ARB2A: variants seen among roughly 807,000 people sequenced by gnomAD.
ARB2A encodes cotranscriptional regulator ARB2A.
the ARB2A span, among the ~76,000 whole-genome samples, chr5:93,692,588 C>A: frequency 6.6e-6 from 1 of 152,120 alleles, no homozygotes; most frequent in African/African-American, 2.4e-5. Context: ...GAATCCCACA[C>A]AATAATACTG....
the ARB2A span, among the ~76,000 whole-genome samples, chr5:94,035,594 G>A: frequency 2.0e-3 from 303 of 152,052 alleles, no homozygotes; most frequent in South Asian, 5.2e-3. Context: ...TAAGGACCTG[G>A]AGCCAACCCA....
the ARB2A span, among the ~76,000 whole-genome samples, chr5:93,854,146 G>C: frequency 6.6e-6 from 1 of 152,140 alleles, no homozygotes. Flanking sequence ...CCTGTTATTG[G>C]TCTATTCAGA....
the ARB2A span, among the ~76,000 whole-genome samples, chr5:93,634,257 G>A: frequency 3.3e-5 from 5 of 151,850 alleles, no homozygotes; most frequent in African/African-American, 1.2e-4. Flanking sequence ...AAAATTAGCT[G>A]GGCGTGGTGG....
At chr5:93,765,159 A>G in the ARB2A span, among the ~76,000 whole-genome samples, 2 of 151,954 alleles carry the variant, frequency 1.3e-5, no homozygotes, top group Non-Finnish European at 2.9e-5. Context: ...CTCTCTCACC[A>G]CTCCTATTCA....
the ARB2A span, among the ~76,000 whole-genome samples, chr5:93,762,392 T>C: frequency 6.6e-6 from 1 of 152,204 alleles, no homozygotes; most frequent in Non-Finnish European, 1.5e-5. Flanking sequence ...GCATGAGAAC[T>C]ACGTGACGAA....
the ARB2A span, among the ~76,000 whole-genome samples, chr5:93,674,339 ATT>A: frequency 6.6e-6 from 1 of 152,162 alleles, no homozygotes; most frequent in African/African-American, 2.4e-5. Flanking sequence ...AGCTTAAGAC[ATT>A]TATCTGACAG....
At chr5:93,679,612 T>C in the ARB2A span, among the ~76,000 whole-genome samples, 1 of 152,252 alleles carries the variant, frequency 6.6e-6, no homozygotes, top group East Asian at 1.9e-4. Flanking sequence ...AAGTTTAAAA[T>C]AGTGGATTTC....
At chr5:94,103,252 T>G in the ARB2A span, among the ~76,000 whole-genome samples, 1 of 151,970 alleles carries the variant, frequency 6.6e-6, no homozygotes, top group Non-Finnish European at 1.5e-5. Context: ...ATGACCTAAC[T>G]ACATACTATC....
chr5:93,634,363 G>A, the ARB2A span, among the ~76,000 whole-genome samples: 2 of 151,512 alleles, frequency 1.3e-5, no homozygotes, highest in Middle Eastern at 3.4e-3. Context: ...TCGCGCCATG[G>A]CACTCCAGCC....
the ARB2A span, among the ~76,000 whole-genome samples, chr5:93,776,983 T>C: frequency 1.3e-5 from 2 of 152,164 alleles, no homozygotes; most frequent in African/African-American, 2.4e-5. Flanking sequence ...TTTTAAACTA[T>C]ATTCTTTGTG....
At chr5:93,661,034 A>G in the ARB2A span, among the ~76,000 whole-genome samples, 2 of 152,214 alleles carry the variant, frequency 1.3e-5, no homozygotes, top group African/African-American at 4.8e-5. Flanking sequence ...TAATAACTAA[A>G]TAACTTAACA....
At chr5:93,806,268 C>T in the ARB2A span, among the ~76,000 whole-genome samples, 1 of 151,776 alleles carries the variant, frequency 6.6e-6, no homozygotes, top group Non-Finnish European at 1.5e-5. Context: ...TTTTATATGC[C>T]TTTTTCATTG....
chr5:93,945,526 T>C, the ARB2A span, among the ~76,000 whole-genome samples: 13 of 151,898 alleles, frequency 8.6e-5, no homozygotes, highest in Admixed American at 8.5e-4. Context: ...GAAATCTGCA[T>C]AATGATTTTA....
At chr5:94,045,052 G>A in the ARB2A span, among the ~76,000 whole-genome samples, 1 of 146,900 alleles carries the variant, frequency 6.8e-6, no homozygotes, top group African/African-American at 2.5e-5. Context: ...CTGGGAGGCT[G>A]GAGTGCAGTG....
chr5:93,811,842 G>A, the ARB2A span, among the ~76,000 whole-genome samples: 2 of 152,086 alleles, frequency 1.3e-5, no homozygotes, highest in South Asian at 2.1e-4. Flanking sequence ...CTTCTGATTC[G>A]CAAGAGACTC....
At chr5:94,020,149 AAACT>A in the ARB2A span, among the ~76,000 whole-genome samples, 2 of 152,126 alleles carry the variant, frequency 1.3e-5, no homozygotes, top group African/African-American at 2.4e-5. Context: ...CATTCTCAAC[AAACT>A]AACACAGGAA....
the ARB2A span, among the ~76,000 whole-genome samples, chr5:94,053,754 C>A: frequency 7.9e-5 from 12 of 152,056 alleles, no homozygotes; most frequent in African/African-American, 1.7e-4. Flanking sequence ...AAAACTCTGT[C>A]AAGGAGTTTT....
chr5:94,020,050 C>T, the ARB2A span, among the ~76,000 whole-genome samples: 143 of 152,202 alleles, frequency 9.4e-4, no homozygotes, highest in Admixed American at 2.6e-3. Flanking sequence ...TAAAGAAATG[C>T]GGCACATGTA....
At chr5:94,061,982 AT>A in the ARB2A span, among the ~76,000 whole-genome samples, 1 of 151,806 alleles carries the variant, frequency 6.6e-6, no homozygotes, top group Non-Finnish European at 1.5e-5. Context: ...TAGCTAAACA[AT>A]TTTCTAAAAG....
Sources: allele counts gnomAD v4.1 joint callset (sites outside exome capture counted in the v4.1 genomes callset), GRCh38; gene constraint gnomAD v4.1.1; transcripts MANE v1.5; gene names NCBI Gene and HGNC (gene_info 2026-07-23, HGNC 2026-07-21).